The following PGM5 variants were observed in gnomAD, a reference collection of about 807,000 sequenced individuals.
PGM5 encodes the protein phosphoglucomutase-like protein 5.
In PGM5, 23 loss-of-function variants were observed where a neutral mutation model predicts 59.2. The ratio of observed to expected loss-of-function variants is 0.39; its 90% CI spans 0.28 to 0.55. The LOEUF (loss-of-function observed/expected upper bound fraction) is 0.55. Among genes scored for constraint, PGM5 ranks in the 20% least tolerant of loss-of-function variants. The pLI is 0.66. For synonymous variants in PGM5, 214 were observed against 286.0 expected (o/e 0.75, Z 2.54); for missense variants, 574 against 748.3 (o/e 0.77, Z 2.72).
At chr9:68,470,570 G>T (rs905078558) in intron 7 of PGM5, among the ~76,000 whole-genome samples, 4 of 152,256 alleles carry the variant, frequency 2.6e-5, no homozygotes, top group Non-Finnish European at 4.4e-5. Flanking sequence ...TTCCTCAAAA[G>T]GTAAAATATA....
At chr9:68,392,929 G>A (rs1287815843) in intron 6 of PGM5, among the ~76,000 whole-genome samples, 1 of 152,120 alleles carries the variant, frequency 6.6e-6, no homozygotes, top group African/African-American at 2.4e-5. Flanking sequence ...ATGTTCAAAT[G>A]CTAACTTATA....
At chr9:68,435,457 TC>T (rs1370173817) in intron 6 of PGM5, among the ~76,000 whole-genome samples, 1 of 152,138 alleles carries the variant, frequency 6.6e-6, no homozygotes, top group African/African-American at 2.4e-5. Context: ...CAACCACAAA[TC>T]TACTTCCTGT....
Position 68,437,443 on chromosome 9 carries a change from C to A in PGM5, c.1044-27650C>A, listed in dbSNP as rs1315426049. On this transcript the variant is annotated intron_variant, in intron 6 of 10. Transcript: ENST00000396396. This position sits in a 1 kb window ranked among gnomAD's most constrained non-coding sequence, Gnocchi z 4.1. ...CAACAGTCTACAAGTTGGTGAATAT[C>A]TCTTTCAGATTGGTGTTGTGCTTTA... is the stretch of plus-strand genomic sequence containing the variant. 1.3e-5 allele frequency among the ~76,000 whole-genome samples: 2 copies of A among 152,198 alleles called. No homozygotes were observed. The highest frequency in any genetic ancestry group is 1.3e-4 in the Admixed American group (2 of 15,276).
intron 6 of PGM5, among the ~76,000 whole-genome samples, chr9:68,416,432 A>T (rs1443222652): frequency 3.3e-5 from 5 of 152,144 alleles, no homozygotes; most frequent in African/African-American, 9.7e-5. Flanking sequence ...TGAGAAGCCT[A>T]TCTTTATTAA....
At chr9:68,442,368 T>A (rs1823543292) in intron 6 of PGM5, among the ~76,000 whole-genome samples, 1 of 152,180 alleles carries the variant, frequency 6.6e-6, no homozygotes, top group East Asian at 1.9e-4. Context: ...CACTGCAACC[T>A]CCACCTCCCA....
intron 6 of PGM5, among the ~76,000 whole-genome samples, chr9:68,452,533 G>T (rs981218922): frequency 9.2e-5 from 14 of 152,186 alleles, no homozygotes; most frequent in African/African-American, 3.4e-4. Flanking sequence ...TCTGAGAGAG[G>T]ATCGGTCTCA....
intron 6 of PGM5, among the ~76,000 whole-genome samples, chr9:68,415,064 G>GACCTCATT (rs1214602557): frequency 2.0e-5 from 3 of 149,196 alleles, no homozygotes; most frequent in African/African-American, 7.7e-5. Flanking sequence ...TATGTGCTGG[G>GACCTCATT]ACCTCATTCA....
At chr9:68,485,620 C>A (rs1824282538) in intron 9 of PGM5, among the ~76,000 whole-genome samples, 1 of 152,194 alleles carries the variant, frequency 6.6e-6, no homozygotes, top group Non-Finnish European at 1.5e-5. Flanking sequence ...TTTGGTAATT[C>A]TTCATAGCAG....
At chr9:68,468,847 A>G (rs1443763749) in intron 7 of PGM5, among the ~76,000 whole-genome samples, 7 of 152,214 alleles carry the variant, frequency 4.6e-5, no homozygotes, top group Non-Finnish European at 1.0e-4. Flanking sequence ...TACCATTGCT[A>G]GGATGGGAAT....
At chr9:68,429,393 C>CA (rs1356001468) in intron 6 of PGM5, 1 of 152,016 alleles carries the variant, frequency 6.6e-6, no homozygotes, top group Non-Finnish European at 1.5e-5. Context: ...AACCAATCAA[C>CA]AAAAAAACCA....
chr9:68,392,659 C>A (rs1250472926), intron 6 of PGM5, among the ~76,000 whole-genome samples, 186 bp downstream of exon 6: 1 of 152,090 alleles, frequency 6.6e-6, no homozygotes, highest in Non-Finnish European at 1.5e-5. Flanking sequence ...CTTGGTTCTG[C>A]CACTTACTAG....
chr9:68,463,567 C>G (rs1361210094), intron 6 of PGM5, among the ~76,000 whole-genome samples: 1 of 152,072 alleles, frequency 6.6e-6, no homozygotes, highest in Non-Finnish European at 1.5e-5. Context: ...CTAGCACTGC[C>G]CCTTACCTCT....
At chr9:68,466,315 GT>G in intron 7 of PGM5, 1 of 546,372 alleles carries the variant, frequency 1.8e-6, no homozygotes, top group Non-Finnish European at 2.6e-6. Flanking sequence ...TTTTAAAATA[GT>G]TTTTAGTTCT....
At chr9:68,463,301 C>T (rs1823885515) in intron 6 of PGM5, among the ~76,000 whole-genome samples, 1 of 151,988 alleles carries the variant, frequency 6.6e-6, no homozygotes, top group East Asian at 1.9e-4. Flanking sequence ...TCATTGATCC[C>T]ACTCTACGGT....
chr9:68,512,156 G>A lies in PGM5; in HGVS notation c.1614+12795G>A, dbSNP rs183826976. On this transcript the variant is annotated intron_variant, in intron 10 of 10. Coordinates refer to ENST00000396396, the MANE Select transcript of PGM5 (RefSeq NM_021965.4). ...ATGTGCAATCTGTTGGTTGTTCCAAGCTCTTTTACCAGAGAGAAAGGGCTT... is the reference window on the plus strand; with the variant it reads ...ATGTGCAATCTGTTGGTTGTTCCAAACTCTTTTACCAGAGAGAAAGGGCTT... Among the ~76,000 whole-genome samples, 3 of 152,304 alleles carry A rather than the reference G, an allele frequency of 2.0e-5. No individual in the cohort carries two copies. In the East Asian group the frequency reaches 5.8e-4, roughly 29 times the overall value.
rs146293859 is a variant in PGM5 at position 68,418,856 on chromosome 9, A to G, written c.1043+26383A>G. Among the ~76,000 whole-genome samples, 11 of 152,242 alleles carry G rather than the reference A, an allele frequency of 7.2e-5. No individual in the cohort carries two copies. In the East Asian group the frequency reaches 2.1e-3, roughly 29 times the overall value. On this transcript the variant is annotated intron_variant, in intron 6 of 10. Coordinates refer to ENST00000396396, the MANE Select transcript of PGM5 (RefSeq NM_021965.4). ...CATGGCCTCTTGCTTGGGGTGTCAG[A>G]GTCAGAGAGAGTAAGGAGGTGTTGG...
intron 6 of PGM5, among the ~76,000 whole-genome samples, chr9:68,457,119 T>TA (rs1333891192): frequency 1.3e-5 from 2 of 152,256 alleles, no homozygotes; most frequent in African/African-American, 4.8e-5. Flanking sequence ...ATTAATCCTT[T>TA]GATTTTATGC....
At chr9:68,472,091 T>C (rs1554686306) in intron 7 of PGM5, among the ~76,000 whole-genome samples, 1 of 152,164 alleles carries the variant, frequency 6.6e-6, no homozygotes, top group African/African-American at 2.4e-5. Context: ...CTGGGATGGA[T>C]GGCTTGATGC....
At chr9:68,403,397 A>T (rs1186291993) in intron 6 of PGM5, among the ~76,000 whole-genome samples, 3 of 152,222 alleles carry the variant, frequency 2.0e-5, no homozygotes, top group African/African-American at 7.2e-5. Flanking sequence ...TAATAGAAAT[A>T]AAGTGCACAA....
Sources: gnomAD v4.1 joint callset for allele counts (sites outside exome capture counted in the v4.1 genomes callset) on GRCh38, gnomAD v4.1.1 for gene constraint, Gnocchi (gnomAD v3.1) non-coding constraint, MANE v1.5 for transcripts, NCBI Gene and HGNC (gene_info 2026-07-23, HGNC 2026-07-21) for gene names.